Variants in GATAD2B observed in about 807,000 individuals in gnomAD.
The protein encoded by GATAD2B is transcriptional repressor p66-beta.
GATAD2B carries 8 observed loss-of-function variants against 64.3 expected under a neutral mutation model. The ratio of observed to expected loss-of-function variants is 0.12; its 90% CI spans 0.07 to 0.22. GATAD2B has a LOEUF of 0.22. Ranked by LOEUF, GATAD2B falls within the 10% of genes least tolerant of loss-of-function variation. The pLI, the probability that GATAD2B is intolerant of heterozygous loss-of-function variation, is 1.00. For missense variants in GATAD2B, 453 were observed against 752.0 expected (o/e 0.60, Z 4.65); for synonymous variants, 281 against 271.3 (o/e 1.04, Z -0.35).
At chr1:153,815,293 C>CAAAAAAAAA (rs71093285) in intron 7 of GATAD2B, among the ~76,000 whole-genome samples, 2 of 111,838 alleles carry the variant, frequency 1.8e-5, no homozygotes, top group Admixed American at 1.0e-4. Flanking sequence ...AAAAAAAAAA[C>CAAAAAAAAA]AAAAAAAAAA....
At chr1:153,828,714 T>C (rs1674975833) in intron 1 of GATAD2B, among the ~76,000 whole-genome samples, 1 of 152,020 alleles carries the variant, frequency 6.6e-6, no homozygotes, top group Non-Finnish European at 1.5e-5. Context: ...AGGTTTGTTA[T>C]ATAGGTAAAC....
chr1:153,900,781 A>G (rs139765033), intron 1 of GATAD2B, among the ~76,000 whole-genome samples: 1 of 152,342 alleles, frequency 6.6e-6, no homozygotes, highest in East Asian at 1.9e-4. Flanking sequence ...AGCAGCATGA[A>G]AACAACCAAA....
At chr1:153,824,780 A>C (rs907434547) in intron 2 of GATAD2B, among the ~76,000 whole-genome samples, 141 of 151,954 alleles carry the variant, frequency 9.3e-4, no homozygotes, top group Non-Finnish European at 1.0e-3. Flanking sequence ...GAGTGTTAAC[A>C]AAGTTTCTAT....
chr1:153,868,077 T>C (rs1197590915), intron 1 of GATAD2B, among the ~76,000 whole-genome samples: 3 of 151,920 alleles, frequency 2.0e-5, no homozygotes, highest in Non-Finnish European at 4.4e-5. Context: ...GGTGCACACC[T>C]GTAGTCCCAG....
At chr1:153,908,465 T>C (rs1450943209) in intron 1 of GATAD2B, among the ~76,000 whole-genome samples, 4 of 152,162 alleles carry the variant, frequency 2.6e-5, no homozygotes, top group African/African-American at 9.7e-5. Context: ...CCAGGACTTT[T>C]TGACACCAGA....
Position 153,810,228 on chromosome 1 carries a change from T to C in GATAD2B, c.1731A>G (p.Leu577=), listed in dbSNP as rs1411846745. ...SLADRQREYL[L]DMIPPRSISQ... The stretch of plus-strand genomic sequence containing the variant: ...ATATAGACCGGGGAGGGATCATGTC[T>C]AAAAGGTATTCACGCTGTCGGTCTG... Residue 577 remains leucine, a synonymous_variant, in exon 11 of 11, where the codon TTA becomes TTG. Coordinates refer to ENST00000368655, the MANE Select transcript of GATAD2B (RefSeq NM_020699.4). 2 of 1,613,264 alleles carry C rather than the reference T, an allele frequency of 1.2e-6. No individual in the cohort carries two copies. The highest frequency in any genetic ancestry group is 2.7e-5 in the African/African-American group (2 of 74,888).
At chr1:153,882,661 C>T (rs886928910) in intron 1 of GATAD2B, among the ~76,000 whole-genome samples, 1 of 152,182 alleles carries the variant, frequency 6.6e-6, no homozygotes, top group Non-Finnish European at 1.5e-5. Flanking sequence ...TATTATTCCA[C>T]TTTCCTGTGT....
At chr1:153,817,988 A>G (rs1435574081) in intron 5 of GATAD2B, 52 bp downstream of exon 5, 3 of 1,471,374 alleles carry the variant, frequency 2.0e-6, no homozygotes, top group East Asian at 4.9e-5. Context: ...AAAAACAGAG[A>G]CAGGATTAGA....
intron 1 of GATAD2B, among the ~76,000 whole-genome samples, chr1:153,855,882 C>T (rs910838265): frequency 6.6e-6 from 1 of 151,964 alleles, no homozygotes; most frequent in African/African-American, 2.4e-5. Context: ...GGGTTTTTGC[C>T]ATGTTGCCCA....
chr1:153,874,407 G>T (rs1676762528), intron 1 of GATAD2B, among the ~76,000 whole-genome samples: 1 of 152,114 alleles, frequency 6.6e-6, no homozygotes, highest in Non-Finnish European at 1.5e-5. Flanking sequence ...TGCTGTTACT[G>T]CCTAACCAAC....
chr1:153,850,703 T>C (rs934938456), intron 1 of GATAD2B, among the ~76,000 whole-genome samples: 1 of 151,996 alleles, frequency 6.6e-6, no homozygotes, highest in African/African-American at 2.4e-5. Flanking sequence ...GCGGATTGCT[T>C]GAGGTGAAGG....
At chr1:153,891,544 T>A (rs1216826416) in intron 1 of GATAD2B, among the ~76,000 whole-genome samples, 1 of 110,122 alleles carries the variant, frequency 9.1e-6, no homozygotes, top group Non-Finnish European at 1.8e-5. Context: ...CACTCCAGCC[T>A]GGGCAACAAA....
chr1:153,826,398 G>A (rs1324459807), intron 2 of GATAD2B, among the ~76,000 whole-genome samples: 1 of 152,132 alleles, frequency 6.6e-6, no homozygotes, highest in Non-Finnish European at 1.5e-5. Context: ...GGAGGCAGAG[G>A]TGGGCAGATC....
chr1:153,851,180 A>G (rs956001515), intron 1 of GATAD2B, among the ~76,000 whole-genome samples: 6 of 152,206 alleles, frequency 3.9e-5, no homozygotes, highest in African/African-American at 9.6e-5. Flanking sequence ...GATACCTCAC[A>G]TAAGTAGACT....
At chr1:153,894,199 G>T (rs1215724142) in intron 1 of GATAD2B, among the ~76,000 whole-genome samples, 1 of 152,200 alleles carries the variant, frequency 6.6e-6, no homozygotes, top group Non-Finnish European at 1.5e-5. Context: ...CTGAGCATGT[G>T]GCTTACGCTT....
chr1:153,844,021 T>A (rs1056253645), intron 1 of GATAD2B, among the ~76,000 whole-genome samples: 1 of 152,040 alleles, frequency 6.6e-6, no homozygotes, highest in Admixed American at 6.6e-5. Context: ...GAGAAACTCC[T>A]GAGTTGAAGA....
intron 1 of GATAD2B, among the ~76,000 whole-genome samples, chr1:153,860,203 CT>C (rs1676235281): frequency 6.6e-6 from 1 of 152,072 alleles, no homozygotes. Flanking sequence ...GTGTGAGCCA[CT>C]TGCACTCGGC....
intron 1 of GATAD2B, among the ~76,000 whole-genome samples, chr1:153,841,237 T>C (rs1195986113): frequency 6.6e-6 from 1 of 151,950 alleles, no homozygotes; most frequent in Non-Finnish European, 1.5e-5. Flanking sequence ...TATAGTACCA[T>C]ATCACCAGCA....
intron 8 of GATAD2B, among the ~76,000 whole-genome samples, chr1:153,813,039 T>G (rs1674347869): frequency 6.6e-6 from 1 of 152,230 alleles, no homozygotes; most frequent in South Asian, 2.1e-4. Flanking sequence ...CCAAGCTTTC[T>G]GTCCCTTTCT....
Sources: allele counts gnomAD v4.1 joint callset (sites outside exome capture counted in the v4.1 genomes callset), GRCh38; gene constraint gnomAD v4.1.1; transcripts MANE v1.5; gene names NCBI Gene and HGNC (gene_info 2026-07-23, HGNC 2026-07-21).